Variants in UBASH3B observed in about 807,000 individuals in gnomAD.
UBASH3B encodes ubiquitin-associated and SH3 domain-containing protein B.
UBASH3B carries 37 observed loss-of-function variants against 83.4 expected under a neutral mutation model. The observed-to-expected ratio is 0.44, with a 90% CI of 0.34 to 0.58. The LOEUF (loss-of-function observed/expected upper bound fraction) is 0.58. Ranked by LOEUF, UBASH3B falls within the 20% of genes least tolerant of loss-of-function variation. The pLI is 0.01. For synonymous variants in UBASH3B, 304 were observed against 318.3 expected (o/e 0.96, Z 0.48); for missense variants, 657 against 827.2 (o/e 0.79, Z 2.52).
At chr11:122,730,397 A>G (rs1039066237) in intron 1 of UBASH3B, among the ~76,000 whole-genome samples, 6 of 152,102 alleles carry the variant, frequency 3.9e-5, no homozygotes, top group African/African-American at 1.4e-4. Flanking sequence ...ACAGTGGCCA[A>G]CGTGAACTCC....
intron 1 of UBASH3B, among the ~76,000 whole-genome samples, chr11:122,658,502 C>T (rs1863393140): frequency 6.6e-6 from 1 of 152,190 alleles, no homozygotes; most frequent in Non-Finnish European, 1.5e-5. Flanking sequence ...AATACTTACT[C>T]CATACTGTTC....
chr11:122,734,492 G>T (rs1016495295), intron 1 of UBASH3B, among the ~76,000 whole-genome samples: 4 of 152,056 alleles, frequency 2.6e-5, no homozygotes, highest in African/African-American at 7.2e-5. Flanking sequence ...ATACCACTAG[G>T]GTGGGAACTG....
chr11:122,712,947 G>T (rs1342486400), intron 1 of UBASH3B, among the ~76,000 whole-genome samples: 1 of 115,620 alleles, frequency 8.6e-6, no homozygotes, highest in Non-Finnish European at 1.6e-5. Flanking sequence ...TCGCTCTGTC[G>T]CCCAGGCTGG....
chr11:122,805,278 C>T (rs540361356), intron 11 of UBASH3B, among the ~76,000 whole-genome samples: 7 of 152,266 alleles, frequency 4.6e-5, no homozygotes, highest in African/African-American at 1.7e-4. Context: ...GCCTGTAATC[C>T]CAGCACTTTG....
At chr11:122,671,488 G>T (rs1255720062) in intron 1 of UBASH3B, among the ~76,000 whole-genome samples, 1 of 152,214 alleles carries the variant, frequency 6.6e-6, no homozygotes, top group Non-Finnish European at 1.5e-5. Context: ...CATCAGGTTG[G>T]AGGAGAATAT....
At chr11:122,761,168 C>A (rs1861365006) in intron 1 of UBASH3B, among the ~76,000 whole-genome samples, 1 of 152,214 alleles carries the variant, frequency 6.6e-6, no homozygotes. Flanking sequence ...TCTCCCCACT[C>A]TCCTTGGAAG....
chr11:122,673,741 A>G (rs1328279588), intron 1 of UBASH3B, among the ~76,000 whole-genome samples: 3 of 152,226 alleles, frequency 2.0e-5, no homozygotes, highest in South Asian at 2.1e-4. Flanking sequence ...TTTTTTTGCT[A>G]AAGAGTCCAA....
At chr11:122,785,263 A>T (rs985831035) in intron 5 of UBASH3B, among the ~76,000 whole-genome samples, 2 of 152,168 alleles carry the variant, frequency 1.3e-5, no homozygotes, top group Admixed American at 6.5e-5. Context: ...CGTTCTGATA[A>T]AGCTCTCCTC....
In UBASH3B at chr11:122,758,447, C is replaced by G. The variant is rs1272130386; in HGVS notation, c.162-17772C>G. On this transcript the variant is annotated intron_variant, in intron 1 of 13. Transcript: ENST00000284273. The surrounding 1 kb of genome is among the most constrained non-coding windows in gnomAD (Gnocchi z 4.2). ...CCAGGAACTGTTTTACCAAAAGATT[C>G]CCTCCAGGAGCTTCCCAGACAGGCC... Among the ~76,000 whole-genome samples, 1 of 152,198 alleles carries G rather than the reference C, an allele frequency of 6.6e-6. No homozygotes were observed. Among genetic ancestry groups the G allele is most frequent in the African/African-American group, 2.4e-5 (1 of 41,442 alleles).
chr11:122,794,223 T>G (rs1861110967), intron 6 of UBASH3B, among the ~76,000 whole-genome samples: 1 of 152,138 alleles, frequency 6.6e-6, no homozygotes, highest in African/African-American at 2.4e-5. Context: ...TATTTCTTTT[T>G]GAGACGGGGT....
At chr11:122,712,293 T>C (rs2271719) in intron 1 of UBASH3B, among the ~76,000 whole-genome samples, 19,515 of 152,102 alleles carry the variant, frequency 0.13, 1,402 homozygotes, top group African/African-American at 0.18. Context: ...ATGGCCATAT[T>C]GTCCTCAAAG....
intron 1 of UBASH3B, among the ~76,000 whole-genome samples, chr11:122,762,081 C>T (rs529814209): frequency 8.6e-5 from 13 of 152,016 alleles, no homozygotes; most frequent in Non-Finnish European, 1.3e-4. Context: ...CGTGAGCCAC[C>T]GCGCCTGGCC....
intron 3 of UBASH3B, 128 bp from the exon 4 acceptor site, chr11:122,779,369 G>A: frequency 1.1e-6 from 1 of 942,826 alleles, no homozygotes; most frequent in Non-Finnish European, 1.7e-6. Context: ...CCCACAGACA[G>A]GGGTAGTGGT....
At chr11:122,710,612 TA>T (rs1864178801) in intron 1 of UBASH3B, among the ~76,000 whole-genome samples, 1 of 151,530 alleles carries the variant, frequency 6.6e-6, no homozygotes, top group Non-Finnish European at 1.5e-5. Context: ...GTGATCTTGC[TA>T]AATCATAGCT....
At chr11:122,774,860 G>A (rs528758745) in intron 1 of UBASH3B, among the ~76,000 whole-genome samples, 10 of 151,910 alleles carry the variant, frequency 6.6e-5, no homozygotes, top group East Asian at 3.9e-4. Flanking sequence ...ACCACCACGC[G>A]CCCCATCCAC....
At chr11:122,699,069 C>T (rs772707749) in intron 1 of UBASH3B, among the ~76,000 whole-genome samples, 3 of 152,122 alleles carry the variant, frequency 2.0e-5, no homozygotes, top group Admixed American at 1.3e-4. Flanking sequence ...AGGCTGGTCT[C>T]GAACTCCTGA....
At chr11:122,798,412 G>A (rs920015839) in intron 9 of UBASH3B, among the ~76,000 whole-genome samples, 7 of 152,074 alleles carry the variant, frequency 4.6e-5, no homozygotes, top group Non-Finnish European at 1.0e-4. Context: ...AGAGGGAAGG[G>A]AAAGAAAAGA....
intron 1 of UBASH3B, among the ~76,000 whole-genome samples, chr11:122,704,444 G>A (rs181011477): frequency 5.9e-5 from 9 of 152,244 alleles, no homozygotes; most frequent in Admixed American, 1.3e-4. Context: ...CGAATTCCCC[G>A]AGTGTCAGGT....
At chr11:122,674,119 T>A (rs1863634923) in intron 1 of UBASH3B, among the ~76,000 whole-genome samples, 1 of 152,154 alleles carries the variant, frequency 6.6e-6, no homozygotes, top group South Asian at 2.1e-4. Flanking sequence ...AAAAATTAAA[T>A]TATATCAAAA....
Sources: allele counts gnomAD v4.1 joint callset (sites outside exome capture counted in the v4.1 genomes callset), GRCh38; gene constraint gnomAD v4.1.1; non-coding constraint Gnocchi (gnomAD v3.1); transcripts MANE v1.5; gene names NCBI Gene and HGNC (gene_info 2026-07-23, HGNC 2026-07-21).